NEK6: variants seen among roughly 807,000 people sequenced by gnomAD.
NEK6 encodes the protein serine/threonine-protein kinase Nek6.
A neutral mutation model predicts 43.5 loss-of-function variants in NEK6; 27 were observed. The ratio of observed to expected loss-of-function variants is 0.62; its 90% confidence interval spans 0.46 to 0.86. NEK6 has a LOEUF of 0.86. Ranked by LOEUF, NEK6 falls within the 40% of genes least tolerant of loss-of-function variation. The pLI, the probability that NEK6 is intolerant of heterozygous loss-of-function variation, is 0.00. For missense variants in NEK6, 318 were observed against 414.4 expected, an observed-to-expected ratio of 0.77 and a Z score of 2.02; for synonymous variants, 167 against 164.1, an observed-to-expected ratio of 1.02 and a Z score of -0.14.
At chr9:124,258,751 A>T (rs1025029311) in intron 1 of NEK6, among the ~76,000 whole-genome samples, 1 of 152,140 alleles carries the variant, frequency 6.6e-6, no homozygotes, top group African/African-American at 2.4e-5. Flanking sequence ...AGGGGCCAGG[A>T]GGGCAGACTC....
chr9:124,260,647 C>T (rs1275033329), intron 1 of NEK6, among the ~76,000 whole-genome samples: 8 of 152,152 alleles, frequency 5.3e-5, no homozygotes, highest in African/African-American at 1.2e-4. Flanking sequence ...GTGATCCGCC[C>T]GCCTTGGCCT....
At chr9:124,286,527 T>A (rs1272096997) in intron 1 of NEK6, 2 of 152,270 alleles carry the variant, frequency 1.3e-5, no homozygotes, top group Non-Finnish European at 2.9e-5. Context: ...TGACGCATCC[T>A]TCTAAGAAGC....
chr9:124,348,774 C>T (rs1407712453), intron 9 of NEK6, among the ~76,000 whole-genome samples: 2 of 152,182 alleles, frequency 1.3e-5, no homozygotes, highest in Non-Finnish European at 2.9e-5. Flanking sequence ...CCTCCGTGGG[C>T]CCACCCCATA....
chr9:124,290,035 G>T (rs916941976), intron 1 of NEK6, among the ~76,000 whole-genome samples: 15 of 152,364 alleles, frequency 9.8e-5, no homozygotes, highest in Admixed American at 9.1e-4. Flanking sequence ...AGCGACACAG[G>T]AAGGTGCAGG....
chr9:124,328,916 G>T (rs2130965003), intron 7 of NEK6, among the ~76,000 whole-genome samples: 1 of 152,244 alleles, frequency 6.6e-6, no homozygotes, highest in South Asian at 2.1e-4. Context: ...CCCCCAGGGA[G>T]TATGGGACGT....
At chr9:124,292,982 G>C in intron 1 of NEK6, 3 of 1,574,818 alleles carry the variant, frequency 1.9e-6, no homozygotes, top group Non-Finnish European at 2.6e-6. Context: ...CTCATTTCCG[G>C]CAGGAGGAGC....
intron 4 of NEK6, among the ~76,000 whole-genome samples, chr9:124,320,097 C>G (rs74488529): frequency 0.026 from 4,034 of 152,340 alleles, 175 homozygotes; most frequent in African/African-American, 0.091. Context: ...TGGTTCCTCG[C>G]AGTGGTGTCT....
rs1273463034 is a variant in NEK6, at chr9:124,275,567, C to T, written c.-30+17482C>T. Reference sequence around the variant, plus strand: ...CATCACTGCTTCTGGGGAGTCTCCTCTGACCTCAGCACACTGCTTAGAAAC... The same window carrying T: ...CATCACTGCTTCTGGGGAGTCTCCTTTGACCTCAGCACACTGCTTAGAAAC... On this transcript the variant is annotated intron_variant, in intron 1 of 9. Coordinates refer to ENST00000320246, the MANE Select transcript of NEK6 (RefSeq NM_014397.6). This position sits in a 1 kb window ranked among gnomAD's most constrained non-coding sequence, Gnocchi z 4.4. 2.0e-5 allele frequency among the ~76,000 whole-genome samples: 3 copies of T among 152,250 alleles called. No homozygotes were observed. In the East Asian group the frequency reaches 5.8e-4, roughly 29 times the overall value.
intron 2 of NEK6, among the ~76,000 whole-genome samples, chr9:124,304,648 G>C (rs3780209): frequency 0.082 from 12,484 of 152,196 alleles, 894 homozygotes; most frequent in East Asian, 0.36. Flanking sequence ...CCTCCGAGCT[G>C]GATAATACCC....
intron 1 of NEK6, among the ~76,000 whole-genome samples, chr9:124,266,754 C>T (rs1318416918): frequency 3.3e-5 from 5 of 152,190 alleles, no homozygotes; most frequent in Admixed American, 3.3e-4. Flanking sequence ...AGTAGGCACG[C>T]GGCCGGATCC....
chr9:124,281,487 C>CTTTTTTTTTTTTT (rs759381068), intron 1 of NEK6, among the ~76,000 whole-genome samples: 3 of 102,920 alleles, frequency 2.9e-5, no homozygotes, highest in African/African-American at 7.8e-5. Flanking sequence ...GCTGTTTTTT[C>CTTTTTTTTTTTTT]TTTTTTTTTT....
intron 1 of NEK6, among the ~76,000 whole-genome samples, chr9:124,295,175 T>C (rs1253505122): frequency 6.6e-6 from 1 of 152,226 alleles, no homozygotes; most frequent in Non-Finnish European, 1.5e-5. Context: ...TGGTCCTGCA[T>C]CCCTGCACCT....
At chr9:124,296,557 G>A (rs1832698287) in intron 1 of NEK6, among the ~76,000 whole-genome samples, 2 of 152,324 alleles carry the variant, frequency 1.3e-5, no homozygotes, top group Admixed American at 6.5e-5. Flanking sequence ...ACACACAGGA[G>A]CAGAAGAGGC....
intron 2 of NEK6, among the ~76,000 whole-genome samples, chr9:124,312,079 A>T (rs1453907993): frequency 6.6e-6 from 1 of 152,148 alleles, no homozygotes; most frequent in East Asian, 1.9e-4. Context: ...GACCTGGGGC[A>T]TTTTGCATGG....
intron 7 of NEK6, among the ~76,000 whole-genome samples, chr9:124,338,101 C>T (rs914090640): frequency 6.6e-6 from 1 of 152,202 alleles, no homozygotes; most frequent in Admixed American, 6.5e-5. Flanking sequence ...CTGCCTCAGC[C>T]TCCTGAGTAG....
At position 124,258,175 on chromosome 9, in the gene NEK6, G is replaced by A. The variant is rs941786890; in HGVS notation, c.-30+90G>A. On this transcript the variant is annotated intron_variant, in intron 1 of 9. Coordinates refer to ENST00000320246, the MANE Select transcript of NEK6 (RefSeq NM_014397.6). ...GGCGGCGGGGCCGTCACCCCCAGCC[G>A]GGCCGAGGGCGGGCGCGCGCCCACG... The A allele has an allele frequency of 4.1e-6, 4 of 975,370 alleles. No individual in the cohort carries two copies. In the African/African-American group the frequency reaches 7.1e-5, roughly 17 times the overall value. The allele number at this position is 975,370 out of a possible 1,614,324, so 60.4% of individuals were successfully genotyped here. A position where few individuals can be genotyped will look rare whatever the true frequency, so the allele number is the denominator to read the frequency against.
At chr9:124,294,722 G>A (rs541893904) in intron 1 of NEK6, among the ~76,000 whole-genome samples, 16 of 152,314 alleles carry the variant, frequency 1.1e-4, no homozygotes, top group South Asian at 4.1e-4. Flanking sequence ...GGGCAGGCTC[G>A]TGTCAGGTGG....
intron 4 of NEK6, among the ~76,000 whole-genome samples, chr9:124,317,757 T>C (rs575422787): frequency 1.4e-4 from 21 of 152,332 alleles, no homozygotes; most frequent in African/African-American, 4.6e-4. Flanking sequence ...CTCCCACTTA[T>C]AAAAGTGAGA....
At chr9:124,288,681 G>A (rs1275819062) in intron 1 of NEK6, among the ~76,000 whole-genome samples, 3 of 152,082 alleles carry the variant, frequency 2.0e-5, no homozygotes, top group African/African-American at 7.3e-5. Context: ...TGGTCCTCAC[G>A]GCAGCCCTAC....
Sources: allele counts gnomAD v4.1 joint callset (sites outside exome capture counted in the v4.1 genomes callset), GRCh38; gene constraint gnomAD v4.1.1; non-coding constraint Gnocchi (gnomAD v3.1); transcripts MANE v1.5; gene names NCBI Gene and HGNC (gene_info 2026-07-23, HGNC 2026-07-21).